The following CDH4 variants were observed in gnomAD, a reference collection of about 807,000 sequenced individuals.
CDH4 encodes the protein cadherin-4.
In CDH4, 33 loss-of-function variants were observed where a neutral mutation model predicts 86.0. The ratio of observed to expected loss-of-function variants is 0.38; its 90% confidence interval spans 0.29 to 0.51. The LOEUF is 0.51. Ranked by LOEUF, CDH4 falls within the 20% of genes least tolerant of loss-of-function variation. CDH4 has a pLI of 0.86. For missense variants in CDH4, 1,114 were observed against 1,307.4 expected (o/e 0.85, Z 2.28); for synonymous variants, 555 against 549.4 (o/e 1.01, Z -0.14).
intron 8 of CDH4, among the ~76,000 whole-genome samples, chr20:61,901,742 G>A (rs2054729315): frequency 6.6e-6 from 1 of 152,244 alleles, no homozygotes; most frequent in Admixed American, 6.5e-5. Context: ...GTAAGCGGCA[G>A]CTCAGTGAAA....
At chr20:61,303,408 G>A (rs2123208325) in intron 2 of CDH4, among the ~76,000 whole-genome samples, 1 of 152,306 alleles carries the variant, frequency 6.6e-6, no homozygotes, top group East Asian at 1.9e-4. Flanking sequence ...GACAGCAAGG[G>A]GCTCGAGGCA....
chr20:61,431,276 TTTTA>T (rs1194378178), intron 2 of CDH4, among the ~76,000 whole-genome samples: 2 of 152,138 alleles, frequency 1.3e-5, no homozygotes, highest in Non-Finnish European at 2.9e-5. Context: ...TGCAAGGAAG[TTTTA>T]TTTGTCAAAT....
chr20:61,876,406 C>T (rs1249349457), intron 7 of CDH4, among the ~76,000 whole-genome samples: 4 of 152,228 alleles, frequency 2.6e-5, no homozygotes, highest in African/African-American at 7.2e-5. Flanking sequence ...TACTCTATAT[C>T]GGCCGCGAGA....
chr20:61,259,489 CA>C lies in CDH4; in HGVS notation c.169+4555del, dbSNP rs1201072640. Among the ~76,000 whole-genome samples the C allele has an allele frequency of 5.9e-5, 9 of 152,180 alleles. No individual in the cohort carries two copies. In the East Asian group the frequency reaches 1.7e-3, roughly 29 times the overall value. On this transcript the variant is annotated intron_variant, in intron 2 of 15. Transcript: ENST00000614565. ...TGGTGGCTGTGAAGTCAGTATTAGT[CA>C]AATAAAGTAATGAATGAGCCGGAAA...
chr20:61,857,984 AGT>A (rs1413685663), intron 6 of CDH4, among the ~76,000 whole-genome samples: 1 of 74,782 alleles, frequency 1.3e-5, no homozygotes, highest in East Asian at 3.6e-4. Flanking sequence ...TCTGTGTCTG[AGT>A]GTGTGTGTCT....
At chr20:61,434,543 T>G (rs1237651609) in intron 2 of CDH4, 4 of 150,354 alleles carry the variant, frequency 2.7e-5, no homozygotes, top group Non-Finnish European at 4.4e-5. Context: ...GAATGCAAGC[T>G]TCCAGTGTGC....
intron 2 of CDH4, among the ~76,000 whole-genome samples, chr20:61,495,401 C>T (rs1219209180): frequency 1.3e-5 from 2 of 152,136 alleles, no homozygotes; most frequent in Admixed American, 6.5e-5. Context: ...CTCCCCCCGC[C>T]GCCAGCCCCC....
At chr20:61,769,213 G>T (rs542270865) in intron 3 of CDH4, among the ~76,000 whole-genome samples, 1 of 152,304 alleles carries the variant, frequency 6.6e-6, no homozygotes, top group East Asian at 1.9e-4. Context: ...GCTGGGAGAC[G>T]CCCTGTTCTC....
At chr20:61,735,325 A>G (rs1271874767) in intron 2 of CDH4, among the ~76,000 whole-genome samples, 1 of 152,224 alleles carries the variant, frequency 6.6e-6, no homozygotes, top group Non-Finnish European at 1.5e-5. Flanking sequence ...ATTTTCAGGC[A>G]TACAATTCAG....
rs781270467 is a variant in CDH4 at position 61,676,071 on chromosome 20, C to T, written c.170-67492C>T. On this transcript the variant is annotated intron_variant, in intron 2 of 15. Transcript: ENST00000614565. The surrounding 1 kb of genome is among the most constrained non-coding windows in gnomAD (Gnocchi z 4.5). ...GTCACAGATAATGTAATTGGGCAGTCGGTGGGGGGAGCCTCAGCGAGGACC... is the reference window on the plus strand; with the variant it reads ...GTCACAGATAATGTAATTGGGCAGTTGGTGGGGGGAGCCTCAGCGAGGACC... 1.7e-4 allele frequency among the ~76,000 whole-genome samples: 26 copies of T among 152,250 alleles called. No individual in the cohort carries two copies. Among genetic ancestry groups the T allele is most frequent in the Admixed American group, 8.5e-4 (13 of 15,306 alleles).
At chr20:61,842,833 C>G (rs1447456687) in intron 4 of CDH4, among the ~76,000 whole-genome samples, 1 of 152,084 alleles carries the variant, frequency 6.6e-6, no homozygotes, top group African/African-American at 2.4e-5. Context: ...GGTTTGTTGG[C>G]TGTAATTCCA....
At chr20:61,705,162 C>T (rs766161443) in intron 2 of CDH4, among the ~76,000 whole-genome samples, 5 of 152,238 alleles carry the variant, frequency 3.3e-5, no homozygotes, top group Non-Finnish European at 7.3e-5. Flanking sequence ...GCAAACCCCA[C>T]TCACTCACAA....
intron 2 of CDH4, among the ~76,000 whole-genome samples, chr20:61,467,658 G>A (rs1208490216): frequency 6.6e-6 from 1 of 152,158 alleles, no homozygotes; most frequent in African/African-American, 2.4e-5. Context: ...CAAAGAGCAG[G>A]AGACCTTCTT....
rs760670371 is a variant in CDH4 at position 61,254,828 on chromosome 20, C to G, written c.60C>G (p.Ala20=). Residue 20 remains alanine, a splice_region_variant and synonymous_variant, in exon 2 of 16, where the codon GCC becomes GCG. Coordinates refer to ENST00000614565, the MANE Select transcript of CDH4 (RefSeq NM_001794.5). ...LLLSLSGALR[A]HNEDLTTRET... Reference sequence around the variant, plus strand: ...CACTCTCCCCTTTGTGTTCTCAGGCCCATAATGAGGATCTTACAACTAGAG... The same window carrying G: ...CACTCTCCCCTTTGTGTTCTCAGGCGCATAATGAGGATCTTACAACTAGAG... The G allele has an allele frequency of 1.3e-6, 2 of 1,580,668 alleles. No homozygotes were observed. Among genetic ancestry groups the G allele is most frequent in the Non-Finnish European group, 1.7e-6 (2 of 1,149,564 alleles).
intron 4 of CDH4, among the ~76,000 whole-genome samples, chr20:61,820,451 C>A (rs2146063406): frequency 6.6e-6 from 1 of 152,348 alleles, no homozygotes; most frequent in South Asian, 2.1e-4. Context: ...TTTTTAAAAC[C>A]TGTTCTGGTC....
intron 2 of CDH4, among the ~76,000 whole-genome samples, chr20:61,355,284 C>T (rs1441014084): frequency 6.6e-6 from 1 of 152,148 alleles, no homozygotes; most frequent in South Asian, 2.1e-4. Context: ...GAGCAGGAAC[C>T]GGACTCTCAT....
intron 2 of CDH4, among the ~76,000 whole-genome samples, chr20:61,549,549 G>C (rs150425436): frequency 4.5e-4 from 68 of 152,360 alleles, no homozygotes; most frequent in African/African-American, 1.5e-3. Flanking sequence ...TGTGTACAAA[G>C]TTTTCAGTCC....
chr20:61,630,872 C>G (rs140048969), intron 2 of CDH4, among the ~76,000 whole-genome samples: 1 of 152,234 alleles, frequency 6.6e-6, no homozygotes, highest in Non-Finnish European at 1.5e-5. Context: ...AGAGCATGAA[C>G]GGGGCCCTTG....
chr20:61,745,968 C>T (rs1416723841), intron 3 of CDH4, among the ~76,000 whole-genome samples: 1 of 152,060 alleles, frequency 6.6e-6, no homozygotes, highest in East Asian at 1.9e-4. Flanking sequence ...GCTAGACAGT[C>T]CCCGTGGGAA....
Sources: allele counts gnomAD v4.1 joint callset (sites outside exome capture counted in the v4.1 genomes callset), GRCh38; gene constraint gnomAD v4.1.1; non-coding constraint Gnocchi (gnomAD v3.1); transcripts MANE v1.5; gene names NCBI Gene and HGNC (gene_info 2026-07-23, HGNC 2026-07-21).